Variants in SLC18A2 observed in about 807,000 individuals in gnomAD.
SLC18A2 encodes the protein synaptic vesicular amine transporter.
SLC18A2 carries 33 observed loss-of-function variants against 59.2 expected under a neutral mutation model. The observed-to-expected ratio is 0.56, with a 90% CI of 0.42 to 0.75. The LOEUF is 0.75. Ranked by LOEUF, SLC18A2 falls within the 30% of genes least tolerant of loss-of-function variation. SLC18A2 has a pLI of 0.00. For synonymous variants in SLC18A2, 228 were observed against 253.5 expected (o/e 0.90, Z 0.95); for missense variants, 569 against 668.6 (o/e 0.85, Z 1.64).
At chr10:117,258,612 G>A (rs2133736567) in intron 10 of SLC18A2, among the ~76,000 whole-genome samples, 1 of 152,180 alleles carries the variant, frequency 6.6e-6, no homozygotes, top group East Asian at 1.9e-4. Context: ...ATAATTGTAA[G>A]TCAAAGATAA....
chr10:117,254,170 C>T (rs769119305), intron 5 of SLC18A2, 39 bp downstream of exon 5: 1 of 1,588,788 alleles, frequency 6.3e-7, no homozygotes, highest in African/African-American at 1.3e-5. Flanking sequence ...TGAGGGGCCC[C>T]TTGCAGAGTG....
chr10:117,260,729 G>T (rs779434077), intron 10 of SLC18A2, among the ~76,000 whole-genome samples: 3 of 152,136 alleles, frequency 2.0e-5, no homozygotes, highest in Non-Finnish European at 4.4e-5. Context: ...GGCTCATTTT[G>T]TTGCCAGAAA....
chr10:117,245,481 A>G (rs962321345), intron 3 of SLC18A2, among the ~76,000 whole-genome samples: 5 of 152,090 alleles, frequency 3.3e-5, no homozygotes, highest in African/African-American at 1.2e-4. Context: ...GAAATGAGTG[A>G]ATCAAGCACT....
At position 117,254,485 on chromosome 10, in the gene SLC18A2, A is replaced by G. The variant is rs200460457; in HGVS notation, c.688A>G (p.Met230Val). ...VMGIALGGLA[M>V]GVLVGPPFGS... is the part of the protein sequence containing the mutation. ...GGGAATCGCCTTGGGAGGCCTGGCC[A>G]TGGGGGTCTTAGGTGGGTAAGGCCC... The change falls in exon 6 of 16, where the codon ATG becomes GTG. Residue 230 changes from methionine (M) to valine (V), a missense_variant. By Grantham distance (21) the Met-to-Val change is conservative. Coordinates refer to ENST00000644641, the MANE Select transcript of SLC18A2 (RefSeq NM_003054.6). 1.1e-5 allele frequency: 17 copies of G among 1,607,450 alleles called. No homozygotes were observed. The highest frequency in any genetic ancestry group is 2.2e-5 in the South Asian group (2 of 90,074).
intron 3 of SLC18A2, among the ~76,000 whole-genome samples, chr10:117,251,246 G>A (rs1844159078): frequency 1.3e-5 from 2 of 152,164 alleles, no homozygotes; most frequent in South Asian, 2.1e-4. Context: ...TCATATGCCC[G>A]TTCTTTCATG....
intron 6 of SLC18A2, among the ~76,000 whole-genome samples, chr10:117,254,763 G>A (rs1280402561): frequency 1.3e-5 from 2 of 152,208 alleles, no homozygotes; most frequent in African/African-American, 4.8e-5. Flanking sequence ...AGGATGGTCT[G>A]CCAGACCCTT....
At chr10:117,276,063 G>A (rs1229611238) in intron 15 of SLC18A2, among the ~76,000 whole-genome samples, 1 of 151,588 alleles carries the variant, frequency 6.6e-6, no homozygotes, top group Non-Finnish European at 1.5e-5. Flanking sequence ...GGTTGAGGCA[G>A]GAAGATCACT....
chr10:117,251,203 C>T (rs901476445), intron 3 of SLC18A2, among the ~76,000 whole-genome samples: 4 of 152,158 alleles, frequency 2.6e-5, no homozygotes, highest in Non-Finnish European at 4.4e-5. Flanking sequence ...GAGGGAGAAG[C>T]CTGTGTTTAT....
At chr10:117,264,888 C>A (rs1416264310) in intron 10 of SLC18A2, among the ~76,000 whole-genome samples, 4 of 152,164 alleles carry the variant, frequency 2.6e-5, no homozygotes, top group African/African-American at 9.7e-5. Flanking sequence ...TGGCCAGACG[C>A]AGTTCCAGGT....
In SLC18A2 at chr10:117,244,221, C is replaced by A. The variant is rs1194262754; in HGVS notation, c.372C>A (p.Leu124=). The A allele has an allele frequency of 2.5e-6, 4 of 1,614,118 alleles. No homozygotes were observed. In the African/African-American group the frequency reaches 5.3e-5, roughly 22 times the overall value. The change falls in exon 3 of 16, where the codon CTC becomes CTA. Residue 124 remains leucine (L), a synonymous_variant. Transcript: ENST00000644641. ...PSDCPSEDKD[L]LNENVQVGLL... is the part of the protein sequence containing the mutation. ...ACTGTCCCAGTGAAGACAAAGACCT[C>A]CTGAATGAAAACGTGCAAGTTGGTC...
At position 117,277,131 on chromosome 10, in the gene SLC18A2, G is replaced by A; in HGVS notation, c.1441-31G>A. The A allele has an allele frequency of 5.0e-6, 6 of 1,209,392 alleles. No individual in the cohort carries two copies. In the South Asian group the frequency reaches 5.2e-5, roughly 10 times the overall value. 74.9% of individuals were successfully genotyped at this position (1,209,392 alleles called of 1,614,324 possible). ...CCATCTTATCTTTATGAAACAAGAAGTTAATATACTTGCACTTTGCTCTCT... is the reference window on the plus strand; with the variant it reads ...CCATCTTATCTTTATGAAACAAGAAATTAATATACTTGCACTTTGCTCTCT... On this transcript the variant is annotated intron_variant, in intron 15 of 15. Transcript: ENST00000644641.
intron 3 of SLC18A2, among the ~76,000 whole-genome samples, chr10:117,251,270 T>C (rs1415652857): frequency 6.6e-6 from 1 of 152,218 alleles, no homozygotes; most frequent in Admixed American, 6.5e-5. Context: ...CAAACTGTAG[T>C]TGCTGAAAAT....
At chr10:117,266,465 C>T (rs1268870355) in intron 10 of SLC18A2, among the ~76,000 whole-genome samples, 1 of 152,164 alleles carries the variant, frequency 6.6e-6, no homozygotes, top group African/African-American at 2.4e-5. Flanking sequence ...ACGTGTGAAG[C>T]CCACCACCAG....
Position 117,248,823 on chromosome 10 carries a change from C to T in SLC18A2, c.464+4510C>T, listed in dbSNP as rs363398. Among the ~76,000 whole-genome samples the T allele has an allele frequency of 8.6e-3, 1,307 of 152,310 alleles. 90 individuals carry two copies. In the East Asian group the frequency reaches 0.19, roughly 22 times the overall value. On this transcript the variant is annotated intron_variant, in intron 3 of 15. Coordinates refer to ENST00000644641, the MANE Select transcript of SLC18A2 (RefSeq NM_003054.6). ...GAACCAAAAGATATTCCACACCAAA[C>T]GACTGGCTTGGGAAAGAGTTAACTT... is the stretch of plus-strand genomic sequence containing the variant.
chr10:117,255,320 G>A lies in SLC18A2; in HGVS notation c.744G>A (p.Lys248=). The change falls in exon 7 of 16, where the codon AAG becomes AAA. Residue 248 remains lysine (K), a synonymous_variant. Transcript: ENST00000644641. ...FGSVLYEFVG[K]TAPFLVLAAL... ...GTGTGCTCTATGAGTTTGTGGGGAA[G>A]ACGGCTCCGTTCCTGGTGCTGGCCG... The A allele has an allele frequency of 1.2e-6, 2 of 1,614,270 alleles. No individual in the cohort carries two copies. Among genetic ancestry groups the A allele is most frequent in the South Asian group, 2.2e-5 (2 of 91,088 alleles).
chr10:117,255,290 CG>C lies in SLC18A2; in HGVS notation c.717del (p.Ser240ValfsTer46). 1.2e-6 allele frequency: 2 copies of C among 1,614,186 alleles called. No individual in the cohort carries two copies. The highest frequency in any genetic ancestry group is 1.7e-6 in the Non-Finnish European group (2 of 1,180,030). ...AMGVLVGPPF[G>X]SVLYEFVGKT... Reference sequence around the variant, plus strand: ...CTCTCCCTGCAGTGGGCCCCCCCTTCGGGAGTGTGCTCTATGAGTTTGTGGG... The same window carrying C: ...CTCTCCCTGCAGTGGGCCCCCCCTTCGGAGTGTGCTCTATGAGTTTGTGGG... On this transcript the variant is annotated frameshift_variant, in exon 7 of 16. Transcript: ENST00000644641. LOFTEE classifies it high-confidence loss of function.
At chr10:117,273,921 A>G (rs910065783) in intron 15 of SLC18A2, among the ~76,000 whole-genome samples, 6 of 152,190 alleles carry the variant, frequency 3.9e-5, no homozygotes, top group African/African-American at 1.4e-4. Context: ...CCTCTCAGTA[A>G]GAGGGCTTTG....
chr10:117,276,630 A>AAAAGAAAG (rs1363913917), intron 15 of SLC18A2, among the ~76,000 whole-genome samples: 2,285 of 21,338 alleles, frequency 0.11, 61 homozygotes, highest in Non-Finnish European at 0.2. Context: ...AAAAAAAAAA[A>AAAAGAAAG]AAAGAAAGAA....
chr10:117,262,934 CT>C (rs1844310510), intron 10 of SLC18A2, among the ~76,000 whole-genome samples: 3 of 152,256 alleles, frequency 2.0e-5, no homozygotes, highest in Admixed American at 1.3e-4. Flanking sequence ...CTGAGGCTTT[CT>C]TTATAAAATC....
Sources: gnomAD v4.1 joint callset for allele counts (sites outside exome capture counted in the v4.1 genomes callset) on GRCh38, gnomAD v4.1.1 for gene constraint, MANE v1.5 for transcripts, NCBI Gene and HGNC (gene_info 2026-07-23, HGNC 2026-07-21) for gene names.